ARHGAP39: variants seen among roughly 807,000 people sequenced by gnomAD.
ARHGAP39 encodes the protein Rho GTPase activating protein 39, also known as rho GTPase-activating protein 39.
ARHGAP39 carries 44 observed loss-of-function variants against 106.9 expected under a neutral mutation model. The ratio of observed to expected loss-of-function variants is 0.41; its 90% CI spans 0.32 to 0.53. ARHGAP39 has a LOEUF of 0.53. Ranked by LOEUF, ARHGAP39 falls within the 20% of genes least tolerant of loss-of-function variation. The probability of loss-of-function intolerance (pLI) is 0.21; values close to 1 mark genes in which losing one functional copy is unlikely to be tolerated. For missense variants in ARHGAP39, 1,496 were observed against 1,577.3 expected (o/e 0.95, Z 0.87); for synonymous variants, 768 against 693.2 (o/e 1.11, Z -1.69).
Position 144,547,781 on chromosome 8 carries a change from C to G in ARHGAP39, c.1305G>C (p.Leu435=), listed in dbSNP as rs139148807. The change falls in exon 5 of 12, where the codon CTG becomes CTC. Residue 435 remains leucine, a synonymous_variant. Coordinates refer to ENST00000377307, the MANE Select transcript of ARHGAP39 (RefSeq NM_025251.3). This position sits in a 1 kb window ranked among gnomAD's most constrained non-coding sequence, Gnocchi z 5.2. ...GSYSLQPSPC[L]LRDQRLGVKS... is the part of the protein sequence containing the mutation. The stretch of plus-strand genomic sequence containing the variant: ...TGACGCCCAGGCGCTGGTCCCTCAG[C>G]AGGCAGGGGCTGGGCTGCAAGGAGT... 542 of 1,597,558 alleles carry G rather than the reference C, an allele frequency of 3.4e-4. No individual in the cohort carries two copies. In the African/African-American group the frequency reaches 6.6e-3, roughly 19 times the overall value.
At chr8:144,674,061 A>C (rs1374282367) in intron 1 of ARHGAP39, among the ~76,000 whole-genome samples, 2 of 151,930 alleles carry the variant, frequency 1.3e-5, no homozygotes. Context: ...AGGAGACCCT[A>C]GGTCTGGGCT....
intron 1 of ARHGAP39, among the ~76,000 whole-genome samples, chr8:144,629,748 C>T (rs750610465): frequency 2.6e-5 from 4 of 152,062 alleles, no homozygotes; most frequent in Non-Finnish European, 2.9e-5. Context: ...GGACGAGACT[C>T]GGGTGGGGCT....
At position 144,530,206 on chromosome 8, in the gene ARHGAP39, G is replaced by C. The variant is rs1816618382; in HGVS notation, c.*216C>G. On this transcript the variant is annotated 3_prime_UTR_variant, in exon 12 of 12. Coordinates refer to ENST00000377307, the MANE Select transcript of ARHGAP39 (RefSeq NM_025251.3). ...TGCCCGCGGGAACTGGCCGTGAGGT[G>C]GGGGGCCAGAGGCGCCCTCCCCGCC... 2 of 570,330 alleles carry C rather than the reference G, an allele frequency of 3.5e-6. No homozygotes were observed. The highest frequency in any genetic ancestry group is 4.7e-4 in the Middle Eastern group (1 of 2,140). 35.3% of individuals were successfully genotyped at this position (570,330 alleles called of 1,614,324 possible). A position where few individuals can be genotyped will look rare whatever the true frequency, so the allele number is the denominator to read the frequency against.
intron 1 of ARHGAP39, among the ~76,000 whole-genome samples, chr8:144,658,573 C>T (rs557000061): frequency 6.6e-6 from 1 of 152,236 alleles, no homozygotes; most frequent in African/African-American, 2.4e-5. Context: ...CTGCGCCTGG[C>T]CACTACAGCA....
chr8:144,682,539 A>C (rs1822453327), intron 1 of ARHGAP39, among the ~76,000 whole-genome samples: 1 of 138,142 alleles, frequency 7.2e-6, no homozygotes. Flanking sequence ...ACAGAGCAAG[A>C]CTCTGTCTCA....
chr8:144,694,454 G>A, the ARHGAP39 span, among the ~76,000 whole-genome samples: 2 of 152,232 alleles, frequency 1.3e-5, no homozygotes, highest in African/African-American at 2.4e-5. Context: ...AAGGACAGGT[G>A]CATTTGTGAA....
At chr8:144,660,957 C>T (rs2129683733) in intron 1 of ARHGAP39, among the ~76,000 whole-genome samples, 1 of 152,136 alleles carries the variant, frequency 6.6e-6, no homozygotes, top group African/African-American at 2.4e-5. Flanking sequence ...CGCACTCCAG[C>T]CTGGGTGACA....
rs114000859 is a variant in ARHGAP39 at position 144,652,009 on chromosome 8, T to G, written c.-82+33677A>C. Reference sequence around the variant, plus strand: ...GGCAATACCATCCTAGACACAGGAATAGGAAAAGATTTCATAACACAGATA... The same window carrying G: ...GGCAATACCATCCTAGACACAGGAAGAGGAAAAGATTTCATAACACAGATA... On this transcript the variant is annotated intron_variant, in intron 1 of 11. Coordinates refer to ENST00000377307, the MANE Select transcript of ARHGAP39 (RefSeq NM_025251.3). 2.6e-4 allele frequency among the ~76,000 whole-genome samples: 40 copies of G among 152,098 alleles called. 1 individual carries two copies. In the South Asian group the frequency reaches 8.1e-3, roughly 31 times the overall value.
chr8:144,612,031 G>A (rs1820507711), intron 1 of ARHGAP39, among the ~76,000 whole-genome samples: 1 of 151,912 alleles, frequency 6.6e-6, no homozygotes, highest in South Asian at 2.1e-4. Flanking sequence ...AAAAAAGGAG[G>A]ATGAGGCCAG....
chr8:144,579,201 C>CAAAAAAAAAAA (rs541332282), intron 3 of ARHGAP39, among the ~76,000 whole-genome samples: 6 of 39,902 alleles, frequency 1.5e-4, no homozygotes, highest in African/African-American at 4.2e-4. Flanking sequence ...GACTCTGTCT[C>CAAAAAAAAAAA]AAAAAAAAAA....
intron 1 of ARHGAP39, among the ~76,000 whole-genome samples, chr8:144,606,009 C>T (rs1003348201): frequency 3.9e-5 from 6 of 152,190 alleles, no homozygotes; most frequent in Admixed American, 6.5e-5. Context: ...ATGGGGGGAC[C>T]GTGGGACCGT....
intron 1 of ARHGAP39, among the ~76,000 whole-genome samples, chr8:144,613,150 C>T (rs1820538359): frequency 6.6e-6 from 1 of 152,212 alleles, no homozygotes; most frequent in Non-Finnish European, 1.5e-5. Flanking sequence ...ATTTTCTTCT[C>T]TCCTGGCCTT....
intron 3 of ARHGAP39, among the ~76,000 whole-genome samples, chr8:144,556,962 C>T (rs1817947450): frequency 7.0e-6 from 1 of 143,842 alleles, no homozygotes; most frequent in Non-Finnish European, 1.5e-5. Context: ...TCATAGTATT[C>T]AGTGGCAAAA....
intron 6 of ARHGAP39, among the ~76,000 whole-genome samples, chr8:144,540,934 C>T (rs1467097872): frequency 1.3e-5 from 2 of 152,254 alleles, no homozygotes; most frequent in Non-Finnish European, 2.9e-5. Flanking sequence ...TCACTGCAAC[C>T]TCCGCCTCCT....
chr8:144,605,422 C>A (rs1319468133), intron 2 of ARHGAP39, 113 bp downstream of exon 2: 2 of 1,160,222 alleles, frequency 1.7e-6, no homozygotes, highest in Non-Finnish European at 2.5e-6. Context: ...CAGCCAGCGA[C>A]GAATCCATTC....
At chr8:144,570,265 C>A (rs1332336409) in intron 3 of ARHGAP39, among the ~76,000 whole-genome samples, 3 of 152,110 alleles carry the variant, frequency 2.0e-5, no homozygotes, top group Non-Finnish European at 4.4e-5. Context: ...AGCTTATAAG[C>A]CGAGCAGAAC....
At chr8:144,602,779 C>A (rs1380655364) in intron 2 of ARHGAP39, among the ~76,000 whole-genome samples, 1 of 119,338 alleles carries the variant, frequency 8.4e-6, no homozygotes, top group Non-Finnish European at 1.7e-5. Context: ...TGTGTATGTG[C>A]ATGGAGGCGT....
chr8:144,588,878 C>G (rs560889389), intron 2 of ARHGAP39, among the ~76,000 whole-genome samples: 2 of 152,352 alleles, frequency 1.3e-5, no homozygotes, highest in African/African-American at 4.8e-5. Context: ...AGATCAGGCA[C>G]GTCCAGGCGA....
chr8:144,548,012 C>G lies in ARHGAP39; in HGVS notation c.1074G>C (p.Gln358His), dbSNP rs1284890942. ...GCGAGGGGGGGCCCTGCTTGTTGGG[C>G]TGGAGGAACGGCCGGGGCTTACGGC... ...SPGRKPRPFL[Q>H]PNKQGPPSPC... The change falls in exon 5 of 12, where the codon CAG (glutamine) becomes CAC (histidine). Residue 358 changes from glutamine to histidine, a missense_variant. Transcript: ENST00000377307. This position sits in a 1 kb window ranked among gnomAD's most constrained non-coding sequence, Gnocchi z 7.4. The G allele has an allele frequency of 4.3e-6, 7 of 1,609,530 alleles. No individual in the cohort carries two copies. The highest frequency in any genetic ancestry group is 1.3e-5 in the African/African-American group (1 of 74,696).
Sources: allele counts gnomAD v4.1 joint callset (sites outside exome capture counted in the v4.1 genomes callset), GRCh38; gene constraint gnomAD v4.1.1; non-coding constraint Gnocchi (gnomAD v3.1); transcripts MANE v1.5; gene names NCBI Gene and HGNC (gene_info 2026-07-23, HGNC 2026-07-21).